Variants in SORT1 observed in about 807,000 individuals in gnomAD.
The protein encoded by SORT1 is sortilin.
A neutral mutation model predicts 101.7 loss-of-function variants in SORT1; 39 were observed. The observed-to-expected ratio is 0.38, with a 90% CI of 0.30 to 0.50. The LOEUF (loss-of-function observed/expected upper bound fraction) is 0.50, where lower values mean the gene tolerates loss of function less well. SORT1 is among the 20% of genes least tolerant of loss of function. SORT1 has a pLI of 0.90. For synonymous variants in SORT1, 396 were observed against 393.7 expected (o/e 1.01, Z -0.07); for missense variants, 878 against 1,040.4 (o/e 0.84, Z 2.15).
chr1:109,388,131 G>A (rs1020810991), intron 1 of SORT1, among the ~76,000 whole-genome samples: 7 of 148,798 alleles, frequency 4.7e-5, no homozygotes, highest in African/African-American at 7.5e-5. Flanking sequence ...TCACAGATGC[G>A]ATCACAGTGT....
At chr1:109,371,685 C>T (rs113604955) in intron 1 of SORT1, among the ~76,000 whole-genome samples, 86 of 152,276 alleles carry the variant, frequency 5.6e-4, no homozygotes, top group African/African-American at 1.9e-3. Flanking sequence ...AGGATTATCA[C>T]GTGTCACCGG....
At chr1:109,336,866 A>T (rs1199223372) in intron 10 of SORT1, among the ~76,000 whole-genome samples, 1 of 152,074 alleles carries the variant, frequency 6.6e-6, no homozygotes, top group Non-Finnish European at 1.5e-5. Flanking sequence ...ACAGGACCCA[A>T]TTAATTCCAC....
chr1:109,349,663 T>C (rs971382287), intron 6 of SORT1, among the ~76,000 whole-genome samples: 2 of 152,088 alleles, frequency 1.3e-5, no homozygotes, highest in African/African-American at 2.4e-5. Context: ...TCCCAGCTAC[T>C]TGGGAGGCTG....
chr1:109,322,852 T>C, intron 15 of SORT1, 80 bp downstream of exon 15: 5 of 1,178,312 alleles, frequency 4.2e-6, no homozygotes, highest in Non-Finnish European at 6.1e-6. Flanking sequence ...ATTTCAATAT[T>C]TGTTAGCCCT....
intron 8 of SORT1, among the ~76,000 whole-genome samples, chr1:109,343,861 G>A (rs995185620): frequency 1.3e-5 from 2 of 152,112 alleles, no homozygotes; most frequent in African/African-American, 4.8e-5. Context: ...ATGTTGGCCA[G>A]GCTGCTCTCA....
Position 109,316,966 on chromosome 1 carries a change from G to T in SORT1, c.2142-8C>A, listed in dbSNP as rs1329224373. On this transcript the variant is annotated splice_region_variant and splice_polypyrimidine_tract_variant and intron_variant, in intron 16 of 19. Transcript: ENST00000256637. The stretch of plus-strand genomic sequence containing the variant: ...CCTGGAATTTTCCGGTACCTACCAG[G>T]CAAAGAAGATTTGGTAACAGAAGAT... 4.5e-6 allele frequency: 7 copies of T among 1,549,740 alleles called. No homozygotes were observed. In the South Asian group the frequency reaches 6.9e-5, roughly 15 times the overall value.
Position 109,333,091 on chromosome 1 carries a change from C to T in SORT1, c.1371+3149G>A, listed in dbSNP as rs538445411. 2.6e-5 allele frequency among the ~76,000 whole-genome samples: 4 copies of T among 152,232 alleles called. No individual in the cohort carries two copies. The South Asian group carries it at 8.3e-4, about 32-fold the overall frequency. On this transcript the variant is annotated intron_variant, in intron 11 of 19. Coordinates refer to ENST00000256637, the MANE Select transcript of SORT1 (RefSeq NM_002959.7). ...TACAGGTGCACATCACCATACCCAG[C>T]TAATTTTTGTATTTTTGGTAGAGAC...
intron 3 of SORT1, among the ~76,000 whole-genome samples, chr1:109,356,457 C>A (rs1009373972): frequency 4.6e-5 from 7 of 151,890 alleles, no homozygotes; most frequent in Admixed American, 4.6e-4. Context: ...TTGAATCGAC[C>A]CTGAAGCCTG....
intron 15 of SORT1, among the ~76,000 whole-genome samples, chr1:109,319,353 G>A (rs1445567361): frequency 2.0e-5 from 3 of 152,136 alleles, no homozygotes; most frequent in Non-Finnish European, 1.5e-5. Flanking sequence ...GACCTGCCCT[G>A]GGGCCTTGCT....
chr1:109,392,731 T>C (rs1652984661), intron 1 of SORT1: 1 of 984,124 alleles, frequency 1.0e-6, no homozygotes, highest in Non-Finnish European at 1.2e-6. Context: ...TACTTCTTAC[T>C]GAAATATCCA....
chr1:109,396,973 G>A (rs1653212548), intron 1 of SORT1, among the ~76,000 whole-genome samples: 1 of 152,210 alleles, frequency 6.6e-6, no homozygotes, highest in Admixed American at 6.5e-5. Context: ...TATGTGCAAT[G>A]CGTTTCTTAA....
chr1:109,385,339 T>C (rs1052709779), intron 1 of SORT1, among the ~76,000 whole-genome samples: 2 of 152,140 alleles, frequency 1.3e-5, no homozygotes, highest in African/African-American at 4.8e-5. Context: ...GCTCATACTG[T>C]TGACCAAGAA....
chr1:109,375,047 C>A (rs570869999), intron 1 of SORT1, among the ~76,000 whole-genome samples: 2 of 152,074 alleles, frequency 1.3e-5, no homozygotes, highest in African/African-American at 4.8e-5. Context: ...TGAAGCCATA[C>A]CAACAGAAAC....
At chr1:109,367,537 A>G (rs1394527196) in intron 2 of SORT1, 56 bp from the exon 3 acceptor site, 6 of 1,141,634 alleles carry the variant, frequency 5.3e-6, no homozygotes, top group Non-Finnish European at 5.3e-6. Flanking sequence ...TCACATGCTG[A>G]TATGTGTTCG....
In SORT1 at chr1:109,352,757, T is replaced by C. The variant is rs374865054; in HGVS notation, c.708+1610A>G. Among the ~76,000 whole-genome samples, 4 of 152,186 alleles carry C rather than the reference T, an allele frequency of 2.6e-5. No homozygotes were observed. In the East Asian group the frequency reaches 5.8e-4, roughly 22 times the overall value. ...GTCCCTCTTCTCCATCCCAATTATATGTACTTCAGATTTACCCTTAAATGG... is the reference window on the plus strand; with the variant it reads ...GTCCCTCTTCTCCATCCCAATTATACGTACTTCAGATTTACCCTTAAATGG... On this transcript the variant is annotated intron_variant, in intron 5 of 19. Coordinates refer to ENST00000256637, the MANE Select transcript of SORT1 (RefSeq NM_002959.7).
chr1:109,328,543 A>T (rs1222613340), intron 11 of SORT1, among the ~76,000 whole-genome samples: 2 of 152,170 alleles, frequency 1.3e-5, no homozygotes, highest in African/African-American at 2.4e-5. Context: ...AAATGTCTAT[A>T]CAAGTTCTTT....
In SORT1 at chr1:109,323,019, C is replaced by G; in HGVS notation, c.1937G>C (p.Arg646Pro). Residue 646 changes from arginine (R) to proline (P), a missense_variant, in exon 15 of 20, where the codon CGC becomes CCC. Coordinates refer to ENST00000256637, the MANE Select transcript of SORT1 (RefSeq NM_002959.7). ...ACCATTCTGACACACGGATGACTTG[C>G]GTAGCCGCAGAAACTGTTCTTTGTA... The part of the protein sequence containing the change: ...LGYKEQFLRL[R>P]KSSVCQNGRD... 2 of 1,614,164 alleles carry G rather than the reference C, an allele frequency of 1.2e-6. No individual in the cohort carries two copies. The highest frequency in any genetic ancestry group is 1.7e-6 in the Non-Finnish European group (2 of 1,180,002).
chr1:109,362,623 G>A (rs1650797851), intron 3 of SORT1, among the ~76,000 whole-genome samples: 1 of 152,016 alleles, frequency 6.6e-6, no homozygotes, highest in African/African-American at 2.4e-5. Context: ...AACTACAAGT[G>A]GGAAAATAAA....
At chr1:109,378,970 C>A (rs1652050915) in intron 1 of SORT1, among the ~76,000 whole-genome samples, 1 of 150,824 alleles carries the variant, frequency 6.6e-6, no homozygotes, top group African/African-American at 2.4e-5. Flanking sequence ...TGGTGAAACT[C>A]CGTCTCTACT....
Sources: allele counts gnomAD v4.1 joint callset (sites outside exome capture counted in the v4.1 genomes callset), GRCh38; gene constraint gnomAD v4.1.1; transcripts MANE v1.5; gene names NCBI Gene and HGNC (gene_info 2026-07-23, HGNC 2026-07-21).